SATL1: variants seen among roughly 807,000 people sequenced by gnomAD.
SATL1 encodes the protein spermidine/spermine N1-acetyl transferase like 1, also known as spermidine/spermine N(1)-acetyltransferase-like protein 1.
Under a neutral mutation model 51.8 loss-of-function variants are expected in SATL1, and 47 were observed. The ratio of observed to expected loss-of-function variants is 0.91; its 90% confidence interval spans 0.72 to 1.16. SATL1 has a LOEUF of 1.16. Ranked by LOEUF, SATL1 falls within the 50% of genes most tolerant of loss-of-function variation. SATL1 has a pLI of 0.00. For synonymous variants in SATL1, 176 were observed against 182.4 expected (o/e 0.97, Z 0.28); for missense variants, 520 against 526.4 (o/e 0.99, Z 0.12).
chrX:85,174,633 T>C (rs755736879), intron 2 of SATL1, among the ~76,000 whole-genome samples: 1 of 111,517 alleles, frequency 9.0e-6, no homozygotes, highest in East Asian at 2.8e-4. Context: ...GATAAAACTT[T>C]TAAACACCAG....
At chrX:85,112,921 T>C (rs960782661) in intron 2 of SATL1, among the ~76,000 whole-genome samples, 3 of 111,925 alleles carry the variant, frequency 2.7e-5, no homozygotes, top group South Asian at 3.8e-4. Flanking sequence ...GACTAACTAC[T>C]GTAACATTTT....
chrX:85,112,434 G>C (rs962223023), intron 2 of SATL1, among the ~76,000 whole-genome samples: 1 of 111,229 alleles, frequency 9.0e-6, no homozygotes, highest in Non-Finnish European at 1.9e-5. Context: ...GGGATGAAGC[G>C]CACGGTTTGA....
intron 2 of SATL1, among the ~76,000 whole-genome samples, chrX:85,159,133 T>C (rs1167180286): frequency 8.9e-6 from 1 of 111,879 alleles, no homozygotes; most frequent in Non-Finnish European, 1.9e-5. Context: ...ATAATTTCAA[T>C]ATGTAATATC....
intron 2 of SATL1, among the ~76,000 whole-genome samples, chrX:85,145,903 T>TC (rs1457142389): frequency 9.3e-6 from 1 of 108,062 alleles, no homozygotes; most frequent in Non-Finnish European, 1.9e-5. Context: ...TATATTCTTT[T>TC]TTTTTTTTTT....
At chrX:85,175,766 G>C (rs939718380) in intron 2 of SATL1, among the ~76,000 whole-genome samples, 3 of 111,112 alleles carry the variant, frequency 2.7e-5, no homozygotes, top group Non-Finnish European at 5.7e-5. Flanking sequence ...GAATTTTATG[G>C]AGAAGACCAC....
chrX:85,237,620 A>AACATTGGGTAACTCTCCAGT (rs1928506072), intron 1 of SATL1, among the ~76,000 whole-genome samples: 3 of 111,802 alleles, frequency 2.7e-5, no homozygotes, highest in Non-Finnish European at 5.7e-5. Context: ...ACTAATAGAA[A>AACATTGGGTAACTCTCCAGT]ACATTGGGGG....
chrX:85,141,145 G>T (rs151107924), intron 2 of SATL1, among the ~76,000 whole-genome samples: 86 of 111,473 alleles, frequency 7.7e-4, no homozygotes, highest in African/African-American at 2.6e-3. Context: ...AGGGAAGGCT[G>T]CCCTTTCCTT....
intron 2 of SATL1, among the ~76,000 whole-genome samples, chrX:85,140,638 A>T (rs912562357): frequency 8.9e-6 from 1 of 112,176 alleles, no homozygotes; most frequent in African/African-American, 3.2e-5. Context: ...GTCCACACTG[A>T]ATTCCCCCTT....
In SATL1 at chrX:85,121,324, A is replaced by G. The variant is rs748088590; in HGVS notation, c.-312-12044T>C. ...TATGTATATATAAATATATGTATGT[A>G]TATAAATATATAAATATATACTATA... On this transcript the variant is annotated intron_variant, in intron 2 of 7. Transcript: ENST00000644105. Among the ~76,000 whole-genome samples the G allele has an allele frequency of 1.1e-4, 12 of 105,026 alleles. No individual in the cohort carries two copies. The South Asian group carries it at 4.7e-3, about 41-fold the overall frequency. 91.2% of individuals were successfully genotyped at this position (105,026 alleles called of 115,157 possible).
intron 1 of SATL1, among the ~76,000 whole-genome samples, chrX:85,233,727 A>G (rs900943033): frequency 1.1e-4 from 12 of 112,016 alleles, no homozygotes; most frequent in African/African-American, 3.2e-4. Context: ...AGATTATTTG[A>G]AAATACACGG....
chrX:85,191,653 G>C (rs1874740680), intron 2 of SATL1, among the ~76,000 whole-genome samples: 1 of 111,763 alleles, frequency 8.9e-6, no homozygotes, highest in Non-Finnish European at 1.9e-5. Flanking sequence ...TATTCTTACA[G>C]TAAACTAAGC....
chrX:85,195,550 C>T (rs1382137931), intron 2 of SATL1, among the ~76,000 whole-genome samples: 3 of 111,418 alleles, frequency 2.7e-5, no homozygotes, highest in East Asian at 2.8e-4. Flanking sequence ...CAGTGGCTCA[C>T]GCCTGTAATC....
Position 85,134,133 on chromosome X carries a change from C to T in SATL1, c.-312-24853G>A, listed in dbSNP as rs1220113465. Among the ~76,000 whole-genome samples, 6 of 110,193 alleles carry T rather than the reference C, an allele frequency of 5.4e-5. No individual in the cohort carries two copies. In the East Asian group the frequency reaches 1.4e-3, roughly 26 times the overall value. On this transcript the variant is annotated intron_variant, in intron 2 of 7. Coordinates refer to ENST00000644105, the MANE Select transcript of SATL1 (RefSeq NM_001367857.2). ...GTGTTTCAATAATAACATAAAGCAT[C>T]TACAAATATATATGTATGTGTGTAT...
chrX:85,107,751 T>C lies in SATL1; in HGVS notation c.1218A>G (p.Thr406=), dbSNP rs763275845. The change falls in exon 3 of 8, where the codon ACA becomes ACG. Residue 406 remains threonine, a synonymous_variant. Coordinates refer to ENST00000644105, the MANE Select transcript of SATL1 (RefSeq NM_001367857.2). ...MRQVGTSQSG[T]SQIGMSQPGT... ...CTGGTTGGCTCATGCCTATTTGGCT[T>C]GTGCCTGATTGGCTGGTGCCTACTT... 2.5e-6 allele frequency: 3 copies of C among 1,210,365 alleles called. No homozygotes were observed. The highest frequency in any genetic ancestry group is 3.4e-6 in the Non-Finnish European group (3 of 895,303).
intron 2 of SATL1, among the ~76,000 whole-genome samples, chrX:85,206,036 T>TA (rs1210490265): frequency 5.4e-5 from 6 of 110,711 alleles, no homozygotes; most frequent in Non-Finnish European, 1.1e-4. Context: ...ACTAGATGGG[T>TA]AAGGAACATG....
intron 2 of SATL1, among the ~76,000 whole-genome samples, chrX:85,148,794 C>A (rs920402538): frequency 1.8e-4 from 20 of 111,063 alleles, no homozygotes; most frequent in African/African-American, 4.3e-4. Context: ...CAGGCCTGCC[C>A]TAAAAGAGCT....
At chrX:85,150,282 G>A (rs1926389974) in intron 2 of SATL1, among the ~76,000 whole-genome samples, 1 of 111,644 alleles carries the variant, frequency 9.0e-6, no homozygotes, top group Non-Finnish European at 1.9e-5. Flanking sequence ...CAGAATCTCT[G>A]AATAGATGAA....
chrX:85,209,430 G>C (rs1161408349), intron 2 of SATL1: 1 of 111,780 alleles, frequency 8.9e-6, no homozygotes, highest in Non-Finnish European at 1.9e-5. Flanking sequence ...TTGGTAGCTT[G>C]ATGGGGATGG....
chrX:85,184,136 A>T (rs1179361531), intron 2 of SATL1, among the ~76,000 whole-genome samples: 1 of 111,659 alleles, frequency 9.0e-6, no homozygotes, highest in African/African-American at 3.3e-5. Flanking sequence ...TTATGGCTGA[A>T]TAGTTTTCCA....
Sources: gnomAD v4.1 joint callset for allele counts (sites outside exome capture counted in the v4.1 genomes callset) on GRCh38, gnomAD v4.1.1 for gene constraint, MANE v1.5 for transcripts, NCBI Gene and HGNC (gene_info 2026-07-23, HGNC 2026-07-21) for gene names.